AGTPBP1: variants seen among roughly 807,000 people sequenced by gnomAD.
The protein encoded by AGTPBP1 is cytosolic carboxypeptidase 1.
In AGTPBP1, 70 loss-of-function variants were observed where a neutral mutation model predicts 143.9. The observed-to-expected ratio is 0.49, with a 90% CI of 0.40 to 0.59. AGTPBP1 has a LOEUF of 0.59. AGTPBP1 is among the 20% of genes least tolerant of loss of function. The probability of loss-of-function intolerance (pLI) is 0.00; values close to 1 mark genes in which losing one functional copy is unlikely to be tolerated. For missense variants in AGTPBP1, 1,229 were observed against 1,464.5 expected, an observed-to-expected ratio of 0.84 and a Z score of 2.62; for synonymous variants, 463 against 500.2, an observed-to-expected ratio of 0.93 and a Z score of 0.99.
the AGTPBP1 span, among the ~76,000 whole-genome samples, chr9:85,764,206 T>TTA: frequency 7.2e-6 from 1 of 138,200 alleles, no homozygotes; most frequent in Non-Finnish European, 1.6e-5. Flanking sequence ...TTTTTTTTTT[T>TTA]AAAAAGGCAT....
intron 17 of AGTPBP1, among the ~76,000 whole-genome samples, chr9:85,618,037 C>A (rs773617034): frequency 1.2e-4 from 18 of 152,052 alleles, no homozygotes; most frequent in Non-Finnish European, 2.6e-4. Flanking sequence ...GTCAGGAGTG[C>A]GAGACCAGCC....
intron 1 of AGTPBP1, among the ~76,000 whole-genome samples, chr9:85,741,085 C>T (rs953397509): frequency 2.0e-5 from 3 of 152,188 alleles, no homozygotes; most frequent in African/African-American, 4.8e-5. Flanking sequence ...TGAACACTTG[C>T]AATTGAGAAC....
chr9:85,611,111 CAGAA>C (rs1830286034), intron 17 of AGTPBP1, among the ~76,000 whole-genome samples: 1 of 148,774 alleles, frequency 6.7e-6, no homozygotes, highest in Non-Finnish European at 1.5e-5. Context: ...AAATCCAATG[CAGAA>C]TATGCCTCGT....
intron 25 of AGTPBP1, among the ~76,000 whole-genome samples, chr9:85,551,103 C>CCAT (rs35629400): frequency 0.29 from 44,216 of 151,624 alleles, 9,963 homozygotes; most frequent in African/African-American, 0.62. Flanking sequence ...ATGCCTTCCA[C>CCAT]GAGTAAAAGC....
intron 25 of AGTPBP1, among the ~76,000 whole-genome samples, chr9:85,568,094 G>A (rs1827223790): frequency 6.6e-6 from 1 of 152,170 alleles, no homozygotes; most frequent in Admixed American, 6.5e-5. Flanking sequence ...CAAAGAGACT[G>A]ATCTGTTCTA....
chr9:85,800,509 G>C, the AGTPBP1 span, among the ~76,000 whole-genome samples: 1 of 152,098 alleles, frequency 6.6e-6, no homozygotes, highest in African/African-American at 2.4e-5. Context: ...ATTTTATTCA[G>C]CGGGGATCTC....
At chr9:85,775,595 TATATAA>T in the AGTPBP1 span, among the ~76,000 whole-genome samples, 77 of 147,938 alleles carry the variant, frequency 5.2e-4, no homozygotes, top group African/African-American at 1.9e-3. Flanking sequence ...TAAATATATA[TATATAA>T]ATATAAAGGG....
At chr9:85,713,158 A>G (rs538556008) in intron 1 of AGTPBP1, among the ~76,000 whole-genome samples, 3 of 152,364 alleles carry the variant, frequency 2.0e-5, no homozygotes, top group South Asian at 4.1e-4. Flanking sequence ...AATACTCTAA[A>G]TATCTTTTAA....
At chr9:85,694,446 A>G (rs1164213221) in intron 2 of AGTPBP1, among the ~76,000 whole-genome samples, 2 of 152,106 alleles carry the variant, frequency 1.3e-5, no homozygotes, top group African/African-American at 4.8e-5. Flanking sequence ...TTTTCAAACC[A>G]CCAGGTTGCC....
At chr9:85,614,864 A>G (rs912849630) in intron 17 of AGTPBP1, among the ~76,000 whole-genome samples, 2 of 152,172 alleles carry the variant, frequency 1.3e-5, no homozygotes, top group Admixed American at 1.3e-4. Flanking sequence ...GTGAGGAATT[A>G]TAAGCAAGTT....
At chr9:85,749,815 T>G in the AGTPBP1 span, among the ~76,000 whole-genome samples, 1 of 152,038 alleles carries the variant, frequency 6.6e-6, no homozygotes, top group African/African-American at 2.4e-5. Context: ...TAACAAAAAT[T>G]ACAATGTAAG....
At chr9:85,567,467 C>A (rs1827184055) in intron 25 of AGTPBP1, among the ~76,000 whole-genome samples, 2 of 152,118 alleles carry the variant, frequency 1.3e-5, no homozygotes, top group African/African-American at 2.4e-5. Flanking sequence ...TGGTCCATGC[C>A]TGTAATCCCA....
chr9:85,647,549 T>C (rs1158810991), intron 11 of AGTPBP1, among the ~76,000 whole-genome samples: 1 of 152,160 alleles, frequency 6.6e-6, no homozygotes, highest in Admixed American at 6.5e-5. Context: ...AAACACGTAA[T>C]TATAATACCA....
chr9:85,751,081 T>C, the AGTPBP1 span, among the ~76,000 whole-genome samples: 2 of 152,188 alleles, frequency 1.3e-5, no homozygotes, highest in Non-Finnish European at 2.9e-5. Context: ...CAGTCTGCAT[T>C]TTCTCTCCTG....
At chr9:85,574,711 CT>C (rs568128403) in intron 25 of AGTPBP1, among the ~76,000 whole-genome samples, 372 of 141,916 alleles carry the variant, frequency 2.6e-3, no homozygotes, top group Non-Finnish European at 2.9e-3. Flanking sequence ...GACTCTAAGC[CT>C]TTTTTTTTTT....
At chr9:85,730,646 C>T (rs1261065113) in intron 1 of AGTPBP1, among the ~76,000 whole-genome samples, 1 of 152,194 alleles carries the variant, frequency 6.6e-6, no homozygotes, top group Non-Finnish European at 1.5e-5. Flanking sequence ...GCCACTAGTG[C>T]TGTACCATAG....
chr9:85,655,365 T>A (rs1833431787), intron 10 of AGTPBP1, 45 bp from the exon 11 acceptor site: 1 of 1,436,318 alleles, frequency 7.0e-7, no homozygotes, highest in Admixed American at 2.9e-5. Flanking sequence ...TTTTGATGAA[T>A]AACTGAACCA....
At chr9:85,793,509 C>G in the AGTPBP1 span, 1 of 152,108 alleles carries the variant, frequency 6.6e-6, no homozygotes, top group African/African-American at 2.4e-5. Context: ...TATTTTGTCT[C>G]TAGATTGCAG....
chr9:85,704,114 G>A (rs1270401150), intron 2 of AGTPBP1, among the ~76,000 whole-genome samples: 1 of 152,172 alleles, frequency 6.6e-6, no homozygotes, highest in Non-Finnish European at 1.5e-5. Context: ...AATAAATGAG[G>A]TAAACCAAGT....
Sources: gnomAD v4.1 joint callset for allele counts (sites outside exome capture counted in the v4.1 genomes callset) on GRCh38, gnomAD v4.1.1 for gene constraint, MANE v1.5 for transcripts, NCBI Gene and HGNC (gene_info 2026-07-23, HGNC 2026-07-21) for gene names.